ADAMTS17: variants seen among roughly 807,000 people sequenced by gnomAD.
ADAMTS17 encodes the protein ADAM metallopeptidase with thrombospondin type 1 motif 17, also known as A disintegrin and metalloproteinase with thrombospondin motifs 17.
A neutral mutation model predicts 141.5 loss-of-function variants in ADAMTS17; 113 were observed. The ratio of observed to expected loss-of-function variants is 0.80; its 90% CI spans 0.69 to 0.93. ADAMTS17 has a LOEUF of 0.93. ADAMTS17 is among the 40% of genes least tolerant of loss of function. The pLI is 0.00. For missense variants in ADAMTS17, 1,659 were observed against 1,517.9 expected (o/e 1.09, Z -1.54); for synonymous variants, 768 against 630.6 (o/e 1.22, Z -3.27).
intron 8 of ADAMTS17, among the ~76,000 whole-genome samples, chr15:100,162,416 A>T (rs1296086196): frequency 1.4e-5 from 2 of 146,466 alleles, no homozygotes; most frequent in African/African-American, 5.0e-5. Flanking sequence ...ATATGTGTAT[A>T]TATAACTATA....
At chr15:100,308,042 T>C (rs1468375338) in intron 3 of ADAMTS17, among the ~76,000 whole-genome samples, 1 of 152,236 alleles carries the variant, frequency 6.6e-6, no homozygotes, top group Non-Finnish European at 1.5e-5. Flanking sequence ...CCAGCTTCCT[T>C]TAAAACGGTA....
At chr15:100,294,689 A>G (rs1340501346) in intron 3 of ADAMTS17, among the ~76,000 whole-genome samples, 1 of 152,240 alleles carries the variant, frequency 6.6e-6, no homozygotes, top group Non-Finnish European at 1.5e-5. Flanking sequence ...CATGGGCGAC[A>G]GAGCAAGACC....
At chr15:100,040,391 G>A (rs759023494) in intron 18 of ADAMTS17, among the ~76,000 whole-genome samples, 7 of 152,230 alleles carry the variant, frequency 4.6e-5, no homozygotes, top group Middle Eastern at 3.4e-3. Flanking sequence ...TTGGGGCAGC[G>A]GCTGTTGTTG....
At position 99,974,350 on chromosome 15, in the gene ADAMTS17, G is replaced by A; in HGVS notation, c.*52C>T. On this transcript the variant is annotated 3_prime_UTR_variant, in exon 22 of 22. Transcript: ENST00000268070. Reference sequence around the variant, plus strand: ...CCACAAGGCTGGTAGGCTTGCGGGTGGGTGGGTTTCAGACCTGAGTCTGAG... The same window carrying A: ...CCACAAGGCTGGTAGGCTTGCGGGTAGGTGGGTTTCAGACCTGAGTCTGAG... 7 of 1,611,624 alleles carry A rather than the reference G, an allele frequency of 4.3e-6. No homozygotes were observed. Among genetic ancestry groups the A allele is most frequent in the Non-Finnish European group, 5.9e-6 (7 of 1,179,216 alleles).
At chr15:100,235,041 T>C (rs749671645) in intron 7 of ADAMTS17, among the ~76,000 whole-genome samples, 6 of 152,086 alleles carry the variant, frequency 3.9e-5, no homozygotes, top group Non-Finnish European at 5.9e-5. Context: ...AACCCCAGAA[T>C]GCCACTGGAA....
chr15:100,073,380 A>T (rs2034125061), intron 15 of ADAMTS17, among the ~76,000 whole-genome samples: 1 of 152,184 alleles, frequency 6.6e-6, no homozygotes, highest in Non-Finnish European at 1.5e-5. Context: ...CTTGAACTAG[A>T]AATACCATCT....
chr15:100,027,660 ATCTG>A (rs1487412071), intron 18 of ADAMTS17, among the ~76,000 whole-genome samples: 1 of 152,254 alleles, frequency 6.6e-6, no homozygotes, highest in Non-Finnish European at 1.5e-5. Context: ...AATATTTAAT[ATCTG>A]TCTTTCACTG....
chr15:100,329,192 G>A (rs2045976604), intron 3 of ADAMTS17, among the ~76,000 whole-genome samples: 1 of 152,134 alleles, frequency 6.6e-6, no homozygotes, highest in Non-Finnish European at 1.5e-5. Context: ...CTGCCTCTGT[G>A]CCGGTACGTC....
At chr15:100,265,283 T>C (rs149569854) in intron 4 of ADAMTS17, among the ~76,000 whole-genome samples, 1 of 152,308 alleles carries the variant, frequency 6.6e-6, no homozygotes, top group East Asian at 1.9e-4. Context: ...GGCACAAGCC[T>C]CAAAGACATG....
At chr15:100,302,442 T>A (rs565899741) in intron 3 of ADAMTS17, among the ~76,000 whole-genome samples, 1 of 152,192 alleles carries the variant, frequency 6.6e-6, no homozygotes, top group Non-Finnish European at 1.5e-5. Context: ...AGTGGCTAAG[T>A]CATACAGTAA....
chr15:100,174,999 T>C (rs2040286140), intron 8 of ADAMTS17, among the ~76,000 whole-genome samples: 1 of 152,136 alleles, frequency 6.6e-6, no homozygotes, highest in South Asian at 2.1e-4. Context: ...TATGCAGCCC[T>C]GGGCAGAAAG....
intron 3 of ADAMTS17, among the ~76,000 whole-genome samples, chr15:100,292,695 G>A (rs2044687049): frequency 6.6e-6 from 1 of 152,258 alleles, no homozygotes; most frequent in Admixed American, 6.5e-5. Flanking sequence ...TGAGGCACAA[G>A]GAGATTTGTT....
At chr15:100,144,771 C>T (rs185756769) in intron 10 of ADAMTS17, among the ~76,000 whole-genome samples, 8 of 152,024 alleles carry the variant, frequency 5.3e-5, no homozygotes, top group East Asian at 1.9e-4. Context: ...CAATAACACA[C>T]GCGTGTCGAT....
intron 18 of ADAMTS17, among the ~76,000 whole-genome samples, chr15:100,003,162 G>A (rs11630619): frequency 0.51 from 76,735 of 151,558 alleles, 20,037 homozygotes; most frequent in Non-Finnish European, 0.57. Flanking sequence ...CTCCCCATAA[G>A]AGAGGAGCAC....
chr15:100,313,231 A>G (rs1264440737), intron 3 of ADAMTS17, among the ~76,000 whole-genome samples: 1 of 152,248 alleles, frequency 6.6e-6, no homozygotes, highest in African/African-American at 2.4e-5. Flanking sequence ...AAACAATATT[A>G]TAGGGCAATA....
chr15:100,012,049 C>A (rs1307170800), intron 18 of ADAMTS17, among the ~76,000 whole-genome samples: 1 of 152,228 alleles, frequency 6.6e-6, no homozygotes, highest in African/African-American at 2.4e-5. Flanking sequence ...TCCATGTCAA[C>A]ATCTACTGTT....
chr15:100,230,693 AT>A (rs1267736672), intron 7 of ADAMTS17, among the ~76,000 whole-genome samples: 2 of 152,220 alleles, frequency 1.3e-5, no homozygotes, highest in Admixed American at 6.5e-5. Flanking sequence ...CTTAGGAAGT[AT>A]TGCATTTTGA....
intron 18 of ADAMTS17, among the ~76,000 whole-genome samples, chr15:100,010,997 G>A (rs886679508): frequency 6.6e-6 from 1 of 152,054 alleles, no homozygotes; most frequent in Non-Finnish European, 1.5e-5. Flanking sequence ...ATCTGTGAAT[G>A]TGCGCGTCTC....
rs147286623 is a variant in ADAMTS17, at chr15:100,155,185, G to T, written c.1317C>A (p.Phe439Leu). ...AGAATAATTCCAGGACTTACTTGAGGAAGTTTTCAAGGTCATCTCGGCTGC... is the reference window on the plus strand; with the variant it reads ...AGAATAATTCCAGGACTTACTTGAGTAAGTTTTCAAGGTCATCTCGGCTGC... Reference protein sequence around the residue: ...SSCSRDDLENFLKSKVSTCLL... With the variant: ...SSCSRDDLENLLKSKVSTCLL... The change falls in exon 9 of 22, where the codon TTC (phenylalanine) becomes TTA (leucine). Residue 439 changes from phenylalanine to leucine, a missense_variant. Coordinates refer to ENST00000268070, the MANE Select transcript of ADAMTS17 (RefSeq NM_139057.4). 660 of 1,614,206 alleles carry T rather than the reference G, an allele frequency of 4.1e-4. 2 individuals carry two copies. Among genetic ancestry groups the T allele is most frequent in the Admixed American group, 6.7e-4 (40 of 60,030 alleles).
Sources: gnomAD v4.1 joint callset for allele counts (sites outside exome capture counted in the v4.1 genomes callset) on GRCh38, gnomAD v4.1.1 for gene constraint, MANE v1.5 for transcripts, NCBI Gene and HGNC (gene_info 2026-07-23, HGNC 2026-07-21) for gene names.